Variants in CCDC85C observed in about 807,000 individuals in gnomAD.
CCDC85C encodes coiled-coil domain containing 85C, also known as coiled-coil domain-containing protein 85C.
CCDC85C carries 18 observed loss-of-function variants against 38.3 expected under a neutral mutation model. The observed-to-expected ratio is 0.47, with a 90% confidence interval of 0.33 to 0.70. CCDC85C has a LOEUF of 0.70. CCDC85C is among the 30% of genes least tolerant of loss of function. The probability of loss-of-function intolerance (pLI) is 0.03; values close to 1 mark genes in which losing one functional copy is unlikely to be tolerated. For missense variants in CCDC85C, 566 were observed against 621.2 expected, an observed-to-expected ratio of 0.91 and a Z score of 0.94; for synonymous variants, 264 against 293.8, an observed-to-expected ratio of 0.90 and a Z score of 1.04.
intron 1 of CCDC85C, among the ~76,000 whole-genome samples, chr14:99,567,209 C>T (rs982858528): frequency 1.9e-4 from 24 of 128,230 alleles, no homozygotes; most frequent in African/African-American, 6.8e-4. Context: ...AGAGCAGGTT[C>T]ACCCACACAT....
intron 1 of CCDC85C, among the ~76,000 whole-genome samples, chr14:99,590,547 T>C (rs925081895): frequency 2.0e-5 from 3 of 151,964 alleles, no homozygotes; most frequent in African/African-American, 7.2e-5. Context: ...AACACTGCCA[T>C]TGCATTTCCA....
intron 1 of CCDC85C, among the ~76,000 whole-genome samples, chr14:99,561,854 C>T (rs185922157): frequency 3.8e-4 from 58 of 152,306 alleles, no homozygotes; most frequent in Admixed American, 7.8e-4. Context: ...GAATCCCCTG[C>T]GCTACGGCGT....
At chr14:99,540,657 G>C (rs8015299) in intron 1 of CCDC85C, among the ~76,000 whole-genome samples, 1 of 152,178 alleles carries the variant, frequency 6.6e-6, no homozygotes, top group African/African-American at 2.4e-5. Flanking sequence ...CCCCTAACCC[G>C]TCTGGGGGCC....
chr14:99,568,632 CA>C (rs1273470461), intron 1 of CCDC85C, among the ~76,000 whole-genome samples: 5 of 152,198 alleles, frequency 3.3e-5, no homozygotes, highest in Non-Finnish European at 7.4e-5. Flanking sequence ...GAGGAGCTAA[CA>C]GGGGGCGACA....
intron 1 of CCDC85C, among the ~76,000 whole-genome samples, chr14:99,594,114 A>C (rs2055118549): frequency 6.6e-6 from 1 of 152,046 alleles, no homozygotes; most frequent in South Asian, 2.1e-4. Flanking sequence ...TGGGTCAACC[A>C]CTATCTGGCA....
chr14:99,565,040 G>A (rs6575733), intron 1 of CCDC85C, among the ~76,000 whole-genome samples: 64,163 of 152,090 alleles, frequency 0.42, 14,202 homozygotes, highest in Middle Eastern at 0.51. Context: ...GCAGCCCGCG[G>A]CCTCTGATCA....
In CCDC85C at chr14:99,509,547, A is replaced by G. The variant is rs1897065779; in HGVS notation, c.*5699T>C. Reference sequence around the variant, plus strand: ...CACAGACATGCAGCACGCACGCAGCACGCACACGCACACACATGCACACAC... The same window carrying G: ...CACAGACATGCAGCACGCACGCAGCGCGCACACGCACACACATGCACACAC... On this transcript the variant is annotated 3_prime_UTR_variant, in exon 6 of 6. Transcript: ENST00000380243. 6.5e-6 allele frequency: 1 copy of G among 154,688 alleles called. No individual in the cohort carries two copies. Among genetic ancestry groups the G allele is most frequent in the African/African-American group, 2.4e-5 (1 of 41,406 alleles). The allele number at this position is 154,688 out of a possible 1,614,324, so 9.6% of individuals were successfully genotyped here. A position where few individuals can be genotyped will look rare whatever the true frequency, so the allele number is the denominator to read the frequency against.
At chr14:99,590,459 G>A (rs1595105720) in intron 1 of CCDC85C, among the ~76,000 whole-genome samples, 1 of 152,214 alleles carries the variant, frequency 6.6e-6, no homozygotes, top group African/African-American at 2.4e-5. Context: ...AGGCCTGATG[G>A]GTTGTCGGGG....
chr14:99,577,373 C>T (rs888680790), intron 1 of CCDC85C, among the ~76,000 whole-genome samples: 3 of 141,148 alleles, frequency 2.1e-5, no homozygotes, highest in East Asian at 2.5e-4. Context: ...GGGCGGCAGA[C>T]GTGGAGTCAC....
Position 99,558,323 on chromosome 14 carries a change from C to T in CCDC85C, c.794-22235G>A, listed in dbSNP as rs540107299. Among the ~76,000 whole-genome samples, 6 of 152,358 alleles carry T rather than the reference C, an allele frequency of 3.9e-5. No homozygotes were observed. Among genetic ancestry groups the T allele is most frequent in the South Asian group, 2.1e-4 (1 of 4,830 alleles). ...CAGAATGTGATCTTATTTGGAAATA[C>T]GGTCTTTGCACATGTAGTCAAGGTA... On this transcript the variant is annotated intron_variant, in intron 1 of 5. Coordinates refer to ENST00000380243, the MANE Select transcript of CCDC85C (RefSeq NM_001144995.2). This position sits in a 1 kb window ranked among gnomAD's most constrained non-coding sequence, Gnocchi z 4.2.
intron 1 of CCDC85C, among the ~76,000 whole-genome samples, chr14:99,590,768 C>G (rs2055077033): frequency 6.6e-6 from 1 of 152,172 alleles, no homozygotes; most frequent in South Asian, 2.1e-4. Flanking sequence ...CAGGTCCAGT[C>G]TCCCGGTGCA....
rs1896881295 is a variant in CCDC85C, at chr14:99,503,140, A to C, written c.*12106T>G. ...CGACTGCTTGTCGGTGGGGAGCCTGAAAACAAAGGTGCTCCAAGGACAGGC... is the reference window on the plus strand; with the variant it reads ...CGACTGCTTGTCGGTGGGGAGCCTGCAAACAAAGGTGCTCCAAGGACAGGC... On this transcript the variant is annotated 3_prime_UTR_variant, in exon 6 of 6. Coordinates refer to ENST00000380243, the MANE Select transcript of CCDC85C (RefSeq NM_001144995.2). The C allele has an allele frequency of 1.2e-6, 1 of 865,370 alleles. No homozygotes were observed. The highest frequency in any genetic ancestry group is 2.5e-5 in the East Asian group (1 of 39,252). The allele number at this position is 865,370 out of a possible 1,614,324, so 53.6% of individuals were successfully genotyped here.
Position 99,603,066 on chromosome 14 carries a change from C to A in CCDC85C, c.793+101G>T, listed in dbSNP as rs2055221333. 3 of 1,244,326 alleles carry A rather than the reference C, an allele frequency of 2.4e-6. No individual in the cohort carries two copies. The highest frequency in any genetic ancestry group is 3.0e-6 in the Non-Finnish European group (3 of 989,572). The allele number at this position is 1,244,326 out of a possible 1,614,324, so 77.1% of individuals were successfully genotyped here. On this transcript the variant is annotated intron_variant, in intron 1 of 5. Transcript: ENST00000380243. This position sits in a 1 kb window ranked among gnomAD's most constrained non-coding sequence, Gnocchi z 7.5. ...CAGCTGGAGGAGTCTGGAGTGGCGG[C>A]CGCATGAGTGGGACAGCCAGGGACC...
At chr14:99,592,331 G>C (rs2055097007) in intron 1 of CCDC85C, among the ~76,000 whole-genome samples, 1 of 152,178 alleles carries the variant, frequency 6.6e-6, no homozygotes, top group African/African-American at 2.4e-5. Context: ...GCAGGGGAGA[G>C]AGGAAGGGAC....
chr14:99,502,090 TAATTA>T lies in CCDC85C; in HGVS notation c.*13151_*13155del. 8.9e-7 allele frequency: 1 copy of T among 1,125,594 alleles called. No individual in the cohort carries two copies. Among genetic ancestry groups the T allele is most frequent in the Non-Finnish European group, 1.2e-6 (1 of 827,416 alleles). The allele number at this position is 1,125,594 out of a possible 1,614,324, so 69.7% of individuals were successfully genotyped here. ...TTGAGTTTATTTATTTATAGTACTT[TAATTA>T]AATTTAGGGGAGAATAAGCAAATTA... On this transcript the variant is annotated 3_prime_UTR_variant, in exon 6 of 6. Coordinates refer to ENST00000380243, the MANE Select transcript of CCDC85C (RefSeq NM_001144995.2).
At chr14:99,573,016 C>G in intron 1 of CCDC85C, 1 of 356,626 alleles carries the variant, frequency 2.8e-6, no homozygotes, top group Non-Finnish European at 5.5e-6. Flanking sequence ...GCAGGAGACG[C>G]CACACATAAA....
In CCDC85C at chr14:99,502,174, A is replaced by G; in HGVS notation, c.*13072T>C. The stretch of plus-strand genomic sequence containing the variant: ...GGTTTAATCATAAATATTAGATCAT[A>G]TTATCTAACCTTTTTTTTTCTTGTT... On this transcript the variant is annotated 3_prime_UTR_variant, in exon 6 of 6. Transcript: ENST00000380243. 6.5e-7 allele frequency: 1 copy of G among 1,541,936 alleles called. No individual in the cohort carries two copies. The highest frequency in any genetic ancestry group is 8.8e-7 in the Non-Finnish European group (1 of 1,142,624).
chr14:99,601,558 C>T (rs1323018891), intron 1 of CCDC85C, among the ~76,000 whole-genome samples: 1 of 152,194 alleles, frequency 6.6e-6, no homozygotes, highest in Non-Finnish European at 1.5e-5. Context: ...TTTCCAGCCA[C>T]GAGACTGCAG....
In CCDC85C at chr14:99,503,716, T is replaced by A; in HGVS notation, c.*11530A>T. 2 of 1,347,492 alleles carry A rather than the reference T, an allele frequency of 1.5e-6. No individual in the cohort carries two copies. The highest frequency in any genetic ancestry group is 2.1e-6 in the Non-Finnish European group (2 of 973,576). 83.5% of individuals were successfully genotyped at this position (1,347,492 alleles called of 1,614,324 possible). ...AAAACTTTAAATTCTTAGCCAACAT[T>A]GTTTCTTTTCAGATCTAAATTGGCC... is the stretch of plus-strand genomic sequence containing the variant. On this transcript the variant is annotated 3_prime_UTR_variant, in exon 6 of 6. Transcript: ENST00000380243.
Sources: gnomAD v4.1 joint callset for allele counts (sites outside exome capture counted in the v4.1 genomes callset) on GRCh38, gnomAD v4.1.1 for gene constraint, Gnocchi (gnomAD v3.1) non-coding constraint, MANE v1.5 for transcripts, NCBI Gene and HGNC (gene_info 2026-07-23, HGNC 2026-07-21) for gene names.